VAV2: variants seen among roughly 807,000 people sequenced by gnomAD.
VAV2 encodes guanine nucleotide exchange factor VAV2.
In VAV2, 67 loss-of-function variants were observed where a neutral mutation model predicts 132.5. The observed-to-expected ratio is 0.51, with a 90% CI of 0.42 to 0.62. The LOEUF is 0.62. VAV2 is among the 20% of genes least tolerant of loss of function. The pLI, the probability that VAV2 is intolerant of heterozygous loss-of-function variation, is 0.00. For synonymous variants in VAV2, 492 were observed against 443.5 expected (o/e 1.11, Z -1.37); for missense variants, 938 against 1,153.6 (o/e 0.81, Z 2.71).
chr9:133,906,883 T>G (rs1839676399), intron 2 of VAV2, among the ~76,000 whole-genome samples: 1 of 152,084 alleles, frequency 6.6e-6, no homozygotes, highest in Non-Finnish European at 1.5e-5. Context: ...GCTGAGACAC[T>G]TTGGGGACCC....
rs558564151 is a variant in VAV2, at chr9:133,920,271, C to T, written c.321+18832G>A. On this transcript the variant is annotated intron_variant, in intron 2 of 29. Transcript: ENST00000371850. ...GGCTCTGCCTCCAGTCCACAAAGGGCCACGAAGCAGCCCTGGCCCTCACCA... is the reference window on the plus strand; with the variant it reads ...GGCTCTGCCTCCAGTCCACAAAGGGTCACGAAGCAGCCCTGGCCCTCACCA... Among the ~76,000 whole-genome samples the T allele has an allele frequency of 2.0e-5, 3 of 152,358 alleles. No homozygotes were observed. The South Asian group carries it at 6.2e-4, about 32-fold the overall frequency.
chr9:133,878,185 C>T (rs567245884), intron 2 of VAV2, among the ~76,000 whole-genome samples: 338 of 152,308 alleles, frequency 2.2e-3, no homozygotes, highest in Middle Eastern at 3.4e-3. Flanking sequence ...GGGTGTACCA[C>T]GGGGCAGGCA....
At chr9:133,815,682 T>C in intron 4 of VAV2, among the ~76,000 whole-genome samples, 1 of 152,222 alleles carries the variant, frequency 6.6e-6, no homozygotes, top group Non-Finnish European at 1.5e-5. Context: ...AACAACAACG[T>C]GCTACCCATC....
rs1045147839 is a variant in VAV2 at position 133,885,197 on chromosome 9, T to C, written c.322-23765A>G. Among the ~76,000 whole-genome samples the C allele has an allele frequency of 1.3e-4, 20 of 152,354 alleles. No individual in the cohort carries two copies. Among genetic ancestry groups the C allele is most frequent in the South Asian group, 1.0e-3 (5 of 4,824 alleles). On this transcript the variant is annotated intron_variant, in intron 2 of 29. Coordinates refer to ENST00000371850, the MANE Select transcript of VAV2 (RefSeq NM_001134398.2). The surrounding 1 kb of genome is among the most constrained non-coding windows in gnomAD (Gnocchi z 5.0). The stretch of plus-strand genomic sequence containing the variant: ...TCCAGTGTCCTGCGATTGATTCTTC[T>C]GAACTTCTGAGCCCACTCAACCAAG...
intron 11 of VAV2, 78 bp from the exon 12 acceptor site, chr9:133,795,814 G>A (rs550816440): frequency 2.0e-6 from 3 of 1,513,498 alleles, no homozygotes; most frequent in South Asian, 2.3e-5. Context: ...TGGGGCAGGA[G>A]GTGTGCACAG....
chr9:133,866,311 G>A (rs1288682358), intron 2 of VAV2, among the ~76,000 whole-genome samples: 1 of 152,166 alleles, frequency 6.6e-6, no homozygotes, highest in African/African-American at 2.4e-5. Context: ...TCTACGTGTT[G>A]GGGGGAGGGG....
At chr9:133,956,474 T>C (rs1564499662) in intron 1 of VAV2, among the ~76,000 whole-genome samples, 2 of 152,114 alleles carry the variant, frequency 1.3e-5, no homozygotes, top group South Asian at 2.1e-4. Context: ...TTTTGTTTCG[T>C]TTTGTTTTTT....
At chr9:133,944,406 T>C (rs1456677488) in intron 1 of VAV2, among the ~76,000 whole-genome samples, 1 of 152,196 alleles carries the variant, frequency 6.6e-6, no homozygotes, top group African/African-American at 2.4e-5. Context: ...CTGAGTCACA[T>C]AGCCAGCAGG....
intron 9 of VAV2, among the ~76,000 whole-genome samples, chr9:133,799,547 ATCCCGTGTCCACAGACCTGGGAGGT>A (rs1834851006): frequency 6.6e-6 from 1 of 152,000 alleles, no homozygotes; most frequent in Non-Finnish European, 1.5e-5. Context: ...CCATGGGGGG[ATCCCGTGTCCACAGACCTGGGAGGT>A]CTGCATGGAG....
In VAV2 at chr9:133,926,000, CAAAAAAAAAAAAAAAAAA is replaced by C. The variant is rs10555726; in HGVS notation, c.321+13085_321+13102del. The C allele has an allele frequency of 1.1e-4, 7 of 63,824 alleles. 1 individual carries two copies. Among genetic ancestry groups the C allele is most frequent in the South Asian group, 1.1e-3 (2 of 1,800 alleles). 4.0% of individuals were successfully genotyped at this position (63,824 alleles called of 1,614,324 possible). ...AACTTAATTAACTGTGGACATGGAC[CAAAAAAAAAAAAAAAAAA>C]AAAAAAAAAAGCATGCACCAGTTGC... On this transcript the variant is annotated intron_variant, in intron 2 of 29. Coordinates refer to ENST00000371850, the MANE Select transcript of VAV2 (RefSeq NM_001134398.2).
Position 133,863,070 on chromosome 9 carries a change from G to A in VAV2, c.322-1638C>T, listed in dbSNP as rs1407653520. Among the ~76,000 whole-genome samples the A allele has an allele frequency of 6.6e-6, 1 of 152,188 alleles. No individual in the cohort carries two copies. The highest frequency in any genetic ancestry group is 1.5e-5 in the Non-Finnish European group (1 of 68,036). ...AGCCCAGCCGCACTCCCATGCTGAT[G>A]CTACAAGGGGCCTTTCACAAGTAAT... On this transcript the variant is annotated intron_variant, in intron 2 of 29. Coordinates refer to ENST00000371850, the MANE Select transcript of VAV2 (RefSeq NM_001134398.2). This position sits in a 1 kb window ranked among gnomAD's most constrained non-coding sequence, Gnocchi z 5.0.
At chr9:133,915,680 A>ACG (rs199966548) in intron 2 of VAV2, among the ~76,000 whole-genome samples, 1 of 149,170 alleles carries the variant, frequency 6.7e-6, no homozygotes. Context: ...ACACACACAC[A>ACG]ATGCACACGT....
chr9:133,784,502 C>T (rs1834141342), intron 17 of VAV2, 84 bp from the exon 18 acceptor site: 2 of 1,460,538 alleles, frequency 1.4e-6, no homozygotes, highest in Non-Finnish European at 9.6e-7. Context: ...ACCAGCTGGG[C>T]TCCGGACCCA....
At chr9:133,812,065 T>C in intron 5 of VAV2, 49 bp downstream of exon 5, 1 of 1,582,452 alleles carries the variant, frequency 6.3e-7, no homozygotes, top group Non-Finnish European at 8.7e-7. Flanking sequence ...GCCAGGCTGC[T>C]CTGCGAGGGA....
rs543822442 is a variant in VAV2 at position 133,926,233 on chromosome 9, G to A, written c.321+12870C>T. 3 of 152,446 alleles carry A rather than the reference G, an allele frequency of 2.0e-5. No individual in the cohort carries two copies. The highest frequency in any genetic ancestry group is 2.0e-4 in the Admixed American group (3 of 15,302). 9.4% of individuals were successfully genotyped at this position (152,446 alleles called of 1,614,324 possible). A position where few individuals can be genotyped will look rare whatever the true frequency, so the allele number is the denominator to read the frequency against. On this transcript the variant is annotated intron_variant, in intron 2 of 29. Coordinates refer to ENST00000371850, the MANE Select transcript of VAV2 (RefSeq NM_001134398.2). The surrounding 1 kb of genome is among the most constrained non-coding windows in gnomAD (Gnocchi z 4.3). ...CCACGTACAATGAGAAACAATGGCAGGGCCTGAGCACACCTCCTCTGCTCC... is the reference window on the plus strand; with the variant it reads ...CCACGTACAATGAGAAACAATGGCAAGGCCTGAGCACACCTCCTCTGCTCC...
intron 25 of VAV2, among the ~76,000 whole-genome samples, chr9:133,773,392 T>C (rs964008495): frequency 1.3e-5 from 2 of 152,032 alleles, no homozygotes; most frequent in Non-Finnish European, 2.9e-5. Context: ...AGCTGGAGAG[T>C]GGTGAGTAAA....
chr9:133,861,511 G>T, intron 2 of VAV2, 79 bp from the exon 3 acceptor site: 1 of 1,522,346 alleles, frequency 6.6e-7, no homozygotes, highest in Non-Finnish European at 8.9e-7. Flanking sequence ...ACGCTGCTTT[G>T]CAGGACGTCG....
At chr9:133,854,209 GCA>G (rs145074433) in intron 3 of VAV2, among the ~76,000 whole-genome samples, 14,575 of 147,634 alleles carry the variant, frequency 0.099, 1,883 homozygotes, top group African/African-American at 0.31. Flanking sequence ...AATCTGCAAT[GCA>G]CACACACACC....
chr9:133,934,416 T>C (rs138204742), intron 2 of VAV2, among the ~76,000 whole-genome samples: 87 of 152,240 alleles, frequency 5.7e-4, no homozygotes, highest in Non-Finnish European at 1.1e-3. Flanking sequence ...CGGGGAAGCA[T>C]TGTTTCTGGG....
Sources: allele counts gnomAD v4.1 joint callset (sites outside exome capture counted in the v4.1 genomes callset), GRCh38; gene constraint gnomAD v4.1.1; non-coding constraint Gnocchi (gnomAD v3.1); transcripts MANE v1.5; gene names NCBI Gene and HGNC (gene_info 2026-07-23, HGNC 2026-07-21).